The following PSD3 variants were observed in gnomAD, a reference collection of about 807,000 sequenced individuals.
The protein encoded by PSD3 is PH and SEC7 domain-containing protein 3.
Under a neutral mutation model 105.5 loss-of-function variants are expected in PSD3, and 49 were observed. The ratio of observed to expected loss-of-function variants is 0.46; its 90% confidence interval spans 0.37 to 0.59. The LOEUF (loss-of-function observed/expected upper bound fraction) is 0.59, where lower values mean the gene tolerates loss of function less well. Ranked by LOEUF, PSD3 falls within the 20% of genes least tolerant of loss-of-function variation. The probability of loss-of-function intolerance (pLI) is 0.00; values close to 1 mark genes in which losing one functional copy is unlikely to be tolerated. For synonymous variants in PSD3, 557 were observed against 457.8 expected (o/e 1.22, Z -2.77); for missense variants, 1,561 against 1,263.8 (o/e 1.24, Z -3.57).
At chr8:18,726,412 T>A (rs777562409) in intron 9 of PSD3, among the ~76,000 whole-genome samples, 1 of 152,204 alleles carries the variant, frequency 6.6e-6, no homozygotes, top group Non-Finnish European at 1.5e-5. Flanking sequence ...CCACTGTAAT[T>A]CCCCAATATT....
At chr8:18,788,152 G>C (rs189745924) in intron 8 of PSD3, among the ~76,000 whole-genome samples, 1 of 152,176 alleles carries the variant, frequency 6.6e-6, no homozygotes, top group Non-Finnish European at 1.5e-5. Flanking sequence ...TATTGGTACT[G>C]AGGACAACAT....
At chr8:19,009,525 A>C (rs1192564544) in intron 1 of PSD3, among the ~76,000 whole-genome samples, 1 of 151,442 alleles carries the variant, frequency 6.6e-6, no homozygotes, top group Non-Finnish European at 1.5e-5. Context: ...GTAAGAACTC[A>C]ATAAACATTA....
chr8:18,903,465 GA>G (rs1819643718), intron 2 of PSD3, among the ~76,000 whole-genome samples: 1 of 152,100 alleles, frequency 6.6e-6, no homozygotes, highest in African/African-American at 2.4e-5. Flanking sequence ...GCACATTGAT[GA>G]TTCCATTCCT....
At chr8:18,708,539 G>T (rs1004072127) in intron 9 of PSD3, among the ~76,000 whole-genome samples, 2 of 152,068 alleles carry the variant, frequency 1.3e-5, no homozygotes, top group African/African-American at 4.8e-5. Flanking sequence ...CCACACAGCT[G>T]TCTCTCCGTG....
Position 18,857,675 on chromosome 8 carries a change from C to G in PSD3, c.1634+9999G>C, listed in dbSNP as rs574002148. 4.6e-5 allele frequency among the ~76,000 whole-genome samples: 7 copies of G among 152,266 alleles called. No homozygotes were observed. The South Asian group carries it at 1.5e-3, about 32-fold the overall frequency. On this transcript the variant is annotated intron_variant, in intron 4 of 15. Transcript: ENST00000327040. ...TAGACCAGTGCTTTGCAAACTTCCA[C>G]GTGAATGTAAACCACTTGGACCTCT...
At chr8:18,977,941 C>G (rs887124809) in intron 1 of PSD3, among the ~76,000 whole-genome samples, 2 of 152,128 alleles carry the variant, frequency 1.3e-5, no homozygotes, top group African/African-American at 4.8e-5. Context: ...AATGATGTAA[C>G]CAGAGATGGA....
intron 11 of PSD3, among the ~76,000 whole-genome samples, chr8:18,626,473 T>C (rs1384517576): frequency 6.6e-6 from 1 of 152,170 alleles, no homozygotes; most frequent in African/African-American, 2.4e-5. Flanking sequence ...AAAGTAAGTA[T>C]TTAGAAAATA....
intron 4 of PSD3, among the ~76,000 whole-genome samples, chr8:18,834,953 A>G (rs1386717149): frequency 6.6e-6 from 1 of 152,224 alleles, no homozygotes; most frequent in Non-Finnish European, 1.5e-5. Flanking sequence ...GGGTAAGCAG[A>G]TAAGAATTAG....
chr8:18,815,021 T>C lies in PSD3; in HGVS notation c.1635-10123A>G, dbSNP rs116383115. Among the ~76,000 whole-genome samples, 267 of 152,306 alleles carry C rather than the reference T, an allele frequency of 1.8e-3. 1 individual carries two copies. The highest frequency in any genetic ancestry group is 6.4e-3 in the African/African-American group (265 of 41,570). ...AGCTGGGTACCCACACCACCACCAG[T>C]CCTTAGAATACTCACTTCCTGTCTA... On this transcript the variant is annotated intron_variant, in intron 4 of 15. Coordinates refer to ENST00000327040, the MANE Select transcript of PSD3 (RefSeq NM_015310.4).
chr8:18,600,236 T>C, intron 12 of PSD3, 128 bp downstream of exon 12: 1 of 874,510 alleles, frequency 1.1e-6, no homozygotes, highest in Non-Finnish European at 1.8e-6. Context: ...CTGAAAATTT[T>C]TTAACATCAG....
chr8:18,835,848 A>T (rs1814063084), intron 4 of PSD3, among the ~76,000 whole-genome samples: 1 of 152,196 alleles, frequency 6.6e-6, no homozygotes, highest in Non-Finnish European at 1.5e-5. Context: ...GTGGGAGGAG[A>T]TGAGGCCACA....
At chr8:18,787,993 A>T (rs932355303) in intron 8 of PSD3, among the ~76,000 whole-genome samples, 1 of 152,216 alleles carries the variant, frequency 6.6e-6, no homozygotes, top group Admixed American at 6.5e-5. Context: ...TGTTACAGTT[A>T]TTCAACACTA....
chr8:19,066,712 C>G (rs573327505), intron 1 of PSD3, among the ~76,000 whole-genome samples: 1 of 152,302 alleles, frequency 6.6e-6, no homozygotes, highest in South Asian at 2.1e-4. Flanking sequence ...AAACTAGAAA[C>G]AATAATAGAA....
At chr8:18,782,118 AC>A (rs1808693733) in intron 8 of PSD3, among the ~76,000 whole-genome samples, 2 of 151,758 alleles carry the variant, frequency 1.3e-5, no homozygotes, top group African/African-American at 4.8e-5. Context: ...TTTCTGTAGT[AC>A]CTGGGTTTTC....
At chr8:18,985,899 G>C (rs1025838609) in intron 1 of PSD3, among the ~76,000 whole-genome samples, 7 of 151,546 alleles carry the variant, frequency 4.6e-5, no homozygotes, top group African/African-American at 1.7e-4. Context: ...TAAATTAATA[G>C]TATTATATTA....
chr8:18,751,941 G>A (rs1340642746), intron 9 of PSD3, among the ~76,000 whole-genome samples: 2 of 148,024 alleles, frequency 1.4e-5, no homozygotes, highest in Non-Finnish European at 3.0e-5. Flanking sequence ...TTGGGAGGCC[G>A]AGGTGGGTGG....
In PSD3 at chr8:18,654,639, T is replaced by C. The variant is rs144665959; in HGVS notation, c.2216+1003A>G. Among the ~76,000 whole-genome samples the C allele has an allele frequency of 6.6e-5, 10 of 152,318 alleles. No homozygotes were observed. The East Asian group carries it at 1.9e-3, about 29-fold the overall frequency. On this transcript the variant is annotated intron_variant, in intron 10 of 15. Transcript: ENST00000327040. ...ATCTTTAATAGTATTTCTCAAAGTATGTACCCTGAAACACTATATGTCACT... is the reference window on the plus strand; with the variant it reads ...ATCTTTAATAGTATTTCTCAAAGTACGTACCCTGAAACACTATATGTCACT...
intron 8 of PSD3, among the ~76,000 whole-genome samples, chr8:18,778,365 G>T (rs1464892579): frequency 6.6e-6 from 1 of 152,108 alleles, no homozygotes; most frequent in Non-Finnish European, 1.5e-5. Context: ...AGAGTTTCAG[G>T]TAGAGTCTTT....
chr8:18,973,001 G>C (rs906212297), intron 1 of PSD3, among the ~76,000 whole-genome samples: 1 of 152,122 alleles, frequency 6.6e-6, no homozygotes, highest in African/African-American at 2.4e-5. Context: ...ACAAAACTTC[G>C]AATTTGGACA....
Sources: allele counts gnomAD v4.1 joint callset (sites outside exome capture counted in the v4.1 genomes callset), GRCh38; gene constraint gnomAD v4.1.1; transcripts MANE v1.5; gene names NCBI Gene and HGNC (gene_info 2026-07-23, HGNC 2026-07-21).